Variants in KIAA1958 observed in about 807,000 individuals in gnomAD.
KIAA1958 encodes the protein KIAA1958.
In KIAA1958, 14 loss-of-function variants were observed where a neutral mutation model predicts 47.2. The observed-to-expected ratio is 0.30, with a 90% CI of 0.20 to 0.46. KIAA1958 has a LOEUF of 0.46. Ranked by LOEUF, KIAA1958 falls within the 20% of genes least tolerant of loss-of-function variation. The probability of loss-of-function intolerance (pLI) is 1.00; values close to 1 mark genes in which losing one functional copy is unlikely to be tolerated. For synonymous variants in KIAA1958, 354 were observed against 353.3 expected (o/e 1.00, Z -0.02); for missense variants, 803 against 909.2 (o/e 0.88, Z 1.50).
At chr9:112,658,835 A>G (rs1420575553) in intron 3 of KIAA1958, among the ~76,000 whole-genome samples, 1 of 149,492 alleles carries the variant, frequency 6.7e-6, no homozygotes, top group Non-Finnish European at 1.5e-5. Context: ...CCTGGCTAAC[A>G]CTGTGAAACC....
intron 2 of KIAA1958, among the ~76,000 whole-genome samples, chr9:112,576,195 A>G (rs1439318054): frequency 6.6e-6 from 1 of 152,178 alleles, no homozygotes; most frequent in Non-Finnish European, 1.5e-5. Context: ...CAATTTTAGT[A>G]TCAACTTTAA....
At chr9:112,583,082 T>G (rs1275680262) in intron 2 of KIAA1958, among the ~76,000 whole-genome samples, 1 of 152,228 alleles carries the variant, frequency 6.6e-6, no homozygotes, top group Non-Finnish European at 1.5e-5. Flanking sequence ...TCATTTCATC[T>G]GGCCACCCAG....
At chr9:112,620,731 G>T (rs1836490616) in intron 2 of KIAA1958, among the ~76,000 whole-genome samples, 1 of 151,884 alleles carries the variant, frequency 6.6e-6, no homozygotes, top group Non-Finnish European at 1.5e-5. Context: ...CAGCATGCAT[G>T]CCAGCACTGT....
intron 1 of KIAA1958, among the ~76,000 whole-genome samples, chr9:112,495,296 T>C (rs1834034402): frequency 6.6e-6 from 1 of 152,234 alleles, no homozygotes; most frequent in African/African-American, 2.4e-5. Context: ...TTGTTCTCTC[T>C]TGGTCATATT....
intron 2 of KIAA1958, among the ~76,000 whole-genome samples, chr9:112,643,244 C>T (rs1564199739): frequency 1.3e-5 from 2 of 152,168 alleles, no homozygotes; most frequent in Non-Finnish European, 2.9e-5. Flanking sequence ...GGTTCAAATC[C>T]TGGCTCTTCC....
At chr9:112,651,648 G>A (rs996627258) in intron 3 of KIAA1958, among the ~76,000 whole-genome samples, 3 of 151,936 alleles carry the variant, frequency 2.0e-5, no homozygotes, top group Non-Finnish European at 4.4e-5. Context: ...CTCCTGCCTC[G>A]GCTTCCCAAA....
At chr9:112,586,830 A>G (rs905716734) in intron 2 of KIAA1958, among the ~76,000 whole-genome samples, 13 of 152,344 alleles carry the variant, frequency 8.5e-5, no homozygotes, top group African/African-American at 1.4e-4. Flanking sequence ...CTTGGTATCC[A>G]TTCCTTGAGG....
chr9:112,495,434 A>T (rs1834037093), intron 1 of KIAA1958, among the ~76,000 whole-genome samples: 1 of 152,210 alleles, frequency 6.6e-6, no homozygotes, highest in African/African-American at 2.4e-5. Context: ...GAAGTATTTT[A>T]AAAATATGGC....
chr9:112,523,106 A>C (rs745966234), intron 1 of KIAA1958, among the ~76,000 whole-genome samples: 1 of 152,146 alleles, frequency 6.6e-6, no homozygotes, highest in Non-Finnish European at 1.5e-5. Context: ...ACCCCTCAGA[A>C]ATGGATTTCT....
chr9:112,497,991 G>T (rs1423842563), intron 1 of KIAA1958, among the ~76,000 whole-genome samples: 1 of 152,074 alleles, frequency 6.6e-6, no homozygotes, highest in Non-Finnish European at 1.5e-5. Context: ...AGGCAAGAAA[G>T]AGTAAGATAT....
At chr9:112,508,827 A>G (rs567370766) in intron 1 of KIAA1958, among the ~76,000 whole-genome samples, 13 of 152,306 alleles carry the variant, frequency 8.5e-5, no homozygotes, top group Non-Finnish European at 1.0e-4. Flanking sequence ...GATTTTTATA[A>G]GATTATTTGG....
intron 1 of KIAA1958, among the ~76,000 whole-genome samples, chr9:112,503,725 G>A (rs2132768463): frequency 6.6e-6 from 1 of 152,046 alleles, no homozygotes; most frequent in East Asian, 1.9e-4. Flanking sequence ...GTGGTAGTGG[G>A]TAGGGTAGAT....
Position 112,646,169 on chromosome 9 carries a change from A to C in KIAA1958, c.1344+347A>C, listed in dbSNP as rs1836972513. Among the ~76,000 whole-genome samples, 3 of 152,190 alleles carry C rather than the reference A, an allele frequency of 2.0e-5. No individual in the cohort carries two copies. In the South Asian group the frequency reaches 6.2e-4, roughly 32 times the overall value. ...CCTTCTAGGCTGAGTGATGTGAGGA[A>C]GAATAAAATTTGGGGAGACAGACTC... is the stretch of plus-strand genomic sequence containing the variant. On this transcript the variant is annotated intron_variant, in intron 3 of 3. Transcript: ENST00000337530.
chr9:112,565,383 C>T (rs937101536), intron 1 of KIAA1958, among the ~76,000 whole-genome samples: 4 of 152,336 alleles, frequency 2.6e-5, no homozygotes, highest in Middle Eastern at 3.4e-3. Flanking sequence ...GGATTACAGG[C>T]ATGAGCCACT....
chr9:112,634,926 C>T (rs11789059), intron 2 of KIAA1958, among the ~76,000 whole-genome samples: 3,599 of 152,172 alleles, frequency 0.024, 74 homozygotes, highest in East Asian at 0.056. Context: ...ATTGTTTTAT[C>T]AGTCACATTT....
chr9:112,492,037 T>A (rs762166780), intron 1 of KIAA1958, among the ~76,000 whole-genome samples: 52 of 152,240 alleles, frequency 3.4e-4, no homozygotes, highest in African/African-American at 1.2e-3. Flanking sequence ...TTTTCTGTTA[T>A]AGGACTTCAT....
At chr9:112,610,607 A>AT (rs1211034558) in intron 2 of KIAA1958, among the ~76,000 whole-genome samples, 7 of 152,106 alleles carry the variant, frequency 4.6e-5, no homozygotes, top group Non-Finnish European at 7.4e-5. Context: ...GAAGTAGATG[A>AT]TTTTCTAGAA....
At chr9:112,528,820 G>A (rs1019763449) in intron 1 of KIAA1958, among the ~76,000 whole-genome samples, 3 of 152,090 alleles carry the variant, frequency 2.0e-5, no homozygotes, top group East Asian at 3.9e-4. Flanking sequence ...CACTCGGCCT[G>A]TTTTTATTTG....
At chr9:112,598,183 G>A (rs145011616) in intron 2 of KIAA1958, among the ~76,000 whole-genome samples, 1 of 152,230 alleles carries the variant, frequency 6.6e-6, no homozygotes, top group Non-Finnish European at 1.5e-5. Flanking sequence ...GGCCAGGAGT[G>A]TATTCCTGAT....
Sources: gnomAD v4.1 joint callset for allele counts (sites outside exome capture counted in the v4.1 genomes callset) on GRCh38, gnomAD v4.1.1 for gene constraint, MANE v1.5 for transcripts, NCBI Gene and HGNC (gene_info 2026-07-23, HGNC 2026-07-21) for gene names.